The following CNTN4 variants were observed in gnomAD, a reference collection of about 807,000 sequenced individuals.
CNTN4 encodes the protein contactin 4.
Under a neutral mutation model 122.5 loss-of-function variants are expected in CNTN4, and 77 were observed. The ratio of observed to expected loss-of-function variants is 0.63; its 90% CI spans 0.52 to 0.76. CNTN4 has a LOEUF of 0.76. CNTN4 is among the 30% of genes least tolerant of loss of function. The probability of loss-of-function intolerance (pLI) is 0.00; values close to 1 mark genes in which losing one functional copy is unlikely to be tolerated. For synonymous variants in CNTN4, 512 were observed against 447.0 expected, an observed-to-expected ratio of 1.15 and a Z score of -1.83; for missense variants, 1,256 against 1,259.1, an observed-to-expected ratio of 1.00 and a Z score of 0.04.
intron 4 of CNTN4, among the ~76,000 whole-genome samples, chr3:2,585,276 A>T (rs7616346): frequency 0.011 from 1,689 of 151,368 alleles, 24 homozygotes; most frequent in African/African-American, 0.039. Flanking sequence ...TGGAAGTCAG[A>T]GTGGCGATTC....
At chr3:3,020,232 G>A (rs1448819269) in intron 14 of CNTN4, among the ~76,000 whole-genome samples, 1 of 152,046 alleles carries the variant, frequency 6.6e-6, no homozygotes, top group Non-Finnish European at 1.5e-5. Flanking sequence ...TTGTCCATAA[G>A]TTATCTTTAA....
intron 6 of CNTN4, among the ~76,000 whole-genome samples, chr3:2,798,071 C>A (rs1457788009): frequency 6.7e-6 from 1 of 150,114 alleles, no homozygotes; most frequent in East Asian, 2.0e-4. Context: ...TTAATCCCTC[C>A]CACCCTCCCA....
intron 2 of CNTN4, among the ~76,000 whole-genome samples, chr3:2,259,834 G>A (rs73101956): frequency 0.074 from 11,314 of 152,104 alleles, 639 homozygotes; most frequent in African/African-American, 0.16. Context: ...ATCAGACCTG[G>A]GGTTCACATC....
At chr3:2,738,075 G>A (rs952523921) in intron 5 of CNTN4, among the ~76,000 whole-genome samples, 1 of 152,150 alleles carries the variant, frequency 6.6e-6, no homozygotes, top group African/African-American at 2.4e-5. Context: ...GAAAGACTGA[G>A]GCAGAAGCAA....
At chr3:2,550,124 T>C (rs1305467674) in intron 3 of CNTN4, among the ~76,000 whole-genome samples, 1 of 152,188 alleles carries the variant, frequency 6.6e-6, no homozygotes, top group Non-Finnish European at 1.5e-5. Flanking sequence ...AGTTTATCTA[T>C]TTTGTCAATC....
At chr3:2,255,045 C>T (rs2040524084) in intron 2 of CNTN4, among the ~76,000 whole-genome samples, 1 of 152,142 alleles carries the variant, frequency 6.6e-6, no homozygotes, top group Non-Finnish European at 1.5e-5. Flanking sequence ...TTTAATCCAG[C>T]TTGAGTTAAT....
chr3:2,799,624 G>A (rs535630193), intron 6 of CNTN4, among the ~76,000 whole-genome samples: 7 of 152,084 alleles, frequency 4.6e-5, no homozygotes, highest in African/African-American at 7.2e-5. Context: ...CACCATGCCC[G>A]GCTAATTTTT....
chr3:2,219,096 T>C (rs941082516), intron 2 of CNTN4, among the ~76,000 whole-genome samples: 1 of 152,216 alleles, frequency 6.6e-6, no homozygotes, highest in African/African-American at 2.4e-5. Flanking sequence ...AGATTTTATC[T>C]TCCATAAATG....
At chr3:2,423,758 G>A (rs1266575853) in intron 3 of CNTN4, among the ~76,000 whole-genome samples, 5 of 151,852 alleles carry the variant, frequency 3.3e-5, no homozygotes, top group African/African-American at 1.2e-4. Flanking sequence ...TTAATACCCT[G>A]TTAATTACAA....
chr3:2,368,691 G>T (rs2045512663), intron 3 of CNTN4, among the ~76,000 whole-genome samples: 1 of 152,038 alleles, frequency 6.6e-6, no homozygotes, highest in African/African-American at 2.4e-5. Context: ...GAACAGAAGT[G>T]CAAGACTATA....
At chr3:2,771,731 T>C (rs2091109545) in intron 6 of CNTN4, among the ~76,000 whole-genome samples, 1 of 152,186 alleles carries the variant, frequency 6.6e-6, no homozygotes, top group South Asian at 2.1e-4. Flanking sequence ...TGTACTTTAG[T>C]GGAAGAGAAA....
intron 4 of CNTN4, among the ~76,000 whole-genome samples, chr3:2,616,154 T>G: frequency 7.0e-6 from 1 of 142,654 alleles, no homozygotes; most frequent in Non-Finnish European, 1.5e-5. Flanking sequence ...TAACCCCCCA[T>G]CCCCCCAACA....
intron 3 of CNTN4, among the ~76,000 whole-genome samples, chr3:2,513,516 C>T (rs931078040): frequency 1.3e-5 from 2 of 151,590 alleles, no homozygotes; most frequent in South Asian, 2.1e-4. Context: ...TTCAGGGTCC[C>T]GAACCCCTTT....
intron 3 of CNTN4, among the ~76,000 whole-genome samples, chr3:2,553,065 A>G (rs2078579460): frequency 6.6e-6 from 1 of 152,186 alleles, no homozygotes; most frequent in Non-Finnish European, 1.5e-5. Context: ...CGGTGATTCC[A>G]TACAGCAAAT....
At chr3:2,819,729 G>A (rs2150246813) in intron 7 of CNTN4, 148 bp downstream of exon 7, 2 of 714,944 alleles carry the variant, frequency 2.8e-6, no homozygotes, top group African/African-American at 1.7e-5. Flanking sequence ...CACGGTGAAT[G>A]CCTCCCATCA....
chr3:2,128,835 C>A (rs3924068), intron 2 of CNTN4, among the ~76,000 whole-genome samples: 8,672 of 152,184 alleles, frequency 0.057, 408 homozygotes, highest in East Asian at 0.24. Context: ...TGAAATGATT[C>A]ATCAATAAAT....
rs55892513 is a variant in CNTN4 at position 3,024,384 on chromosome 3, T to TAAA, written c.1487-1696_1487-1694dup. 8.5e-3 allele frequency among the ~76,000 whole-genome samples: 766 copies of TAAA among 89,856 alleles called. 2 individuals carry two copies. Among genetic ancestry groups the TAAA allele is most frequent in the African/African-American group, 0.013 (309 of 23,630 alleles). 58.9% of individuals were successfully genotyped at this position (89,856 alleles called of 152,430 possible). ...ATTTGTACTTACCTCTTTTCCTCAT[T>TAAA]AAAAAAAAAAAAAAAAAAAAAAAAC... On this transcript the variant is annotated intron_variant, in intron 14 of 24. Coordinates refer to ENST00000418658, the MANE Select transcript of CNTN4 (RefSeq NM_175607.3).
At chr3:2,792,272 A>G (rs947428793) in intron 6 of CNTN4, among the ~76,000 whole-genome samples, 1 of 152,182 alleles carries the variant, frequency 6.6e-6, no homozygotes, top group Admixed American at 6.5e-5. Flanking sequence ...TTTTACAATA[A>G]TAAGTGTTAT....
At chr3:2,930,352 T>A (rs2094508943) in intron 13 of CNTN4, among the ~76,000 whole-genome samples, 1 of 152,008 alleles carries the variant, frequency 6.6e-6, no homozygotes, top group African/African-American at 2.4e-5. Flanking sequence ...TTTGGATTAG[T>A]AAGGCAAGCA....
Sources: allele counts gnomAD v4.1 joint callset (sites outside exome capture counted in the v4.1 genomes callset), GRCh38; gene constraint gnomAD v4.1.1; transcripts MANE v1.5; gene names NCBI Gene and HGNC (gene_info 2026-07-23, HGNC 2026-07-21).